AGBL1: variants seen among roughly 807,000 people sequenced by gnomAD.
AGBL1 encodes AGBL carboxypeptidase 1.
In AGBL1, 130 loss-of-function variants were observed where a neutral mutation model predicts 118.9. The observed-to-expected ratio is 1.09, with a 90% CI of 0.95 to 1.26. The LOEUF (loss-of-function observed/expected upper bound fraction) is 1.26. AGBL1 is among the 50% of genes most tolerant of loss of function. The pLI is 0.00. For missense variants in AGBL1, 1,584 were observed against 1,298.1 expected, an observed-to-expected ratio of 1.22 and a Z score of -3.38; for synonymous variants, 555 against 478.9, an observed-to-expected ratio of 1.16 and a Z score of -2.08.
chr15:86,618,905 G>T (rs549217142), intron 21 of AGBL1, among the ~76,000 whole-genome samples: 7 of 152,184 alleles, frequency 4.6e-5, no homozygotes, highest in African/African-American at 1.4e-4. Context: ...TGGGATACAG[G>T]TTCTGCTCCT....
intron 1 of AGBL1, among the ~76,000 whole-genome samples, chr15:86,101,489 A>G (rs908791803): frequency 1.3e-5 from 2 of 152,094 alleles, no homozygotes; most frequent in Middle Eastern, 3.4e-3. Flanking sequence ...AACTATTATT[A>G]TATTAGAATC....
At position 86,450,284 on chromosome 15, in the gene AGBL1, C is replaced by A. The variant is rs368563325; in HGVS notation, c.2555+52738C>A. On this transcript the variant is annotated intron_variant, in intron 18 of 22. Transcript: ENST00000614907. ...CTCCCAGGAGAGGTTTATGTTTTTA[C>A]TCCACATTTTTTCCTTGTCAAATCC... Among the ~76,000 whole-genome samples, 70 of 152,320 alleles carry A rather than the reference C, an allele frequency of 4.6e-4. 2 individuals are homozygous for A. The highest frequency in any genetic ancestry group is 1.4e-3 in the African/African-American group (60 of 41,568).
Position 86,079,877 on chromosome 15 carries a change from C to G in AGBL1, c.-96C>G. ...GCAGCTGAGGCCTCCGGGCAGTCGTCTCCTGCGAGGCGGGCAGCGAGGTCA... is the reference window on the plus strand; with the variant it reads ...GCAGCTGAGGCCTCCGGGCAGTCGTGTCCTGCGAGGCGGGCAGCGAGGTCA... On this transcript the variant is annotated 5_prime_UTR_variant, in exon 1 of 23. Transcript: ENST00000614907. 8.5e-6 allele frequency: 8 copies of G among 938,848 alleles called. No individual in the cohort carries two copies. The South Asian group carries it at 3.2e-4, about 37-fold the overall frequency. 58.2% of individuals were successfully genotyped at this position (938,848 alleles called of 1,614,324 possible). A position where few individuals can be genotyped will look rare whatever the true frequency, so the allele number is the denominator to read the frequency against.
intron 22 of AGBL1, among the ~76,000 whole-genome samples, chr15:86,716,176 C>G (rs1395634848): frequency 1.3e-5 from 2 of 152,126 alleles, no homozygotes; most frequent in Non-Finnish European, 2.9e-5. Context: ...CTCCTCCATT[C>G]CTGGAATCTC....
intron 19 of AGBL1, among the ~76,000 whole-genome samples, chr15:86,544,965 C>T (rs2083559612): frequency 6.6e-6 from 1 of 152,162 alleles, no homozygotes; most frequent in Admixed American, 6.5e-5. Context: ...CATCACTGCC[C>T]TTGTCATATG....
rs150363645 is a variant in AGBL1, at chr15:86,779,055, A to C, written c.3158+104619A>C. On this transcript the variant is annotated intron_variant, in intron 22 of 22. Transcript: ENST00000614907. ...TGACTTCCCGCAACAGCTAAACTTG[A>C]AAGAGAATATTATGCACATCCCAGA... Among the ~76,000 whole-genome samples, 33 of 152,300 alleles carry C rather than the reference A, an allele frequency of 2.2e-4. No individual in the cohort carries two copies. The East Asian group carries it at 5.2e-3, about 24-fold the overall frequency.
At chr15:86,953,929 A>G (rs1489193632) in intron 23 of AGBL1, among the ~76,000 whole-genome samples, 2 of 152,084 alleles carry the variant, frequency 1.3e-5, no homozygotes, top group African/African-American at 2.4e-5. Context: ...TTCTTGCTGG[A>G]TCACTCTGGC....
intron 22 of AGBL1, among the ~76,000 whole-genome samples, chr15:86,708,103 C>G (rs1022128554): frequency 2.0e-5 from 3 of 152,114 alleles, no homozygotes; most frequent in East Asian, 3.9e-4. Flanking sequence ...TTCAGTGACA[C>G]AGGCATTAAC....
intron 21 of AGBL1, among the ~76,000 whole-genome samples, chr15:86,627,369 C>T (rs1305749781): frequency 6.6e-6 from 1 of 151,988 alleles, no homozygotes; most frequent in South Asian, 2.1e-4. Flanking sequence ...AGATGGGATG[C>T]CAGAGGAGAG....
At chr15:86,158,890 C>A in intron 4 of AGBL1, 43 bp from the exon 5 acceptor site, 1 of 1,562,058 alleles carries the variant, frequency 6.4e-7, no homozygotes, top group South Asian at 1.1e-5. Context: ...AGCCTTAACT[C>A]ATCCACTTGT....
intron 17 of AGBL1, among the ~76,000 whole-genome samples, chr15:86,384,453 T>A (rs2081156008): frequency 6.6e-6 from 1 of 152,194 alleles, no homozygotes; most frequent in Admixed American, 6.5e-5. Context: ...TTCTCCCAAG[T>A]GACTGCCGTT....
intron 22 of AGBL1, among the ~76,000 whole-genome samples, chr15:86,832,036 A>T (rs1033642640): frequency 6.6e-6 from 1 of 152,172 alleles, no homozygotes; most frequent in Non-Finnish European, 1.5e-5. Flanking sequence ...TGGGGCTTGC[A>T]CCCTCTGAAG....
In AGBL1 at chr15:86,912,117, A is replaced by C. The variant is rs1036721901; in HGVS notation, c.*4823A>C. On this transcript the variant is annotated 3_prime_UTR_variant, in exon 23 of 23. Coordinates refer to ENST00000614907, the MANE Select transcript of AGBL1 (RefSeq NM_001386094.1). ...TTAAATCCCTCCGTTTTCCATCTCA[A>C]AGAAGAGTTTGTGTTATAGACAGGG... 1.3e-5 allele frequency: 2 copies of C among 152,136 alleles called. No homozygotes were observed. The highest frequency in any genetic ancestry group is 4.8e-5 in the African/African-American group (2 of 41,408). 9.4% of individuals were successfully genotyped at this position (152,136 alleles called of 1,614,324 possible). A position where few individuals can be genotyped will look rare whatever the true frequency, so the allele number is the denominator to read the frequency against.
At chr15:86,818,212 G>A (rs1178399088) in intron 22 of AGBL1, among the ~76,000 whole-genome samples, 1 of 152,126 alleles carries the variant, frequency 6.6e-6, no homozygotes, top group Non-Finnish European at 1.5e-5. Flanking sequence ...ACACATTTCT[G>A]TTGTTTTAAG....
chr15:86,789,739 T>G (rs1360024856), intron 22 of AGBL1, among the ~76,000 whole-genome samples: 1 of 152,130 alleles, frequency 6.6e-6, no homozygotes, highest in Non-Finnish European at 1.5e-5. Context: ...CCCCTATGTT[T>G]TTGAAAGAGT....
At chr15:86,220,428 G>C (rs1011278295) in intron 5 of AGBL1, among the ~76,000 whole-genome samples, 2 of 152,100 alleles carry the variant, frequency 1.3e-5, no homozygotes, top group African/African-American at 2.4e-5. Context: ...GCATTTATAG[G>C]TGCTCCCTAA....
chr15:86,689,071 G>A (rs1596371876), intron 22 of AGBL1, among the ~76,000 whole-genome samples: 2 of 152,028 alleles, frequency 1.3e-5, no homozygotes, highest in African/African-American at 4.8e-5. Context: ...ATGGTCAGTG[G>A]ATCAAAGAAA....
intron 18 of AGBL1, among the ~76,000 whole-genome samples, chr15:86,490,153 G>A (rs773781921): frequency 5.3e-5 from 8 of 151,952 alleles, no homozygotes; most frequent in Non-Finnish European, 7.4e-5. Flanking sequence ...TCCTTATCTC[G>A]TACTTTCTGT....
intron 22 of AGBL1, among the ~76,000 whole-genome samples, chr15:86,861,249 G>T (rs1339506160): frequency 6.6e-6 from 1 of 152,106 alleles, no homozygotes. Flanking sequence ...TACTGTCTGG[G>T]TGCTGTGGGG....
Sources: allele counts gnomAD v4.1 joint callset (sites outside exome capture counted in the v4.1 genomes callset), GRCh38; gene constraint gnomAD v4.1.1; transcripts MANE v1.5; gene names NCBI Gene and HGNC (gene_info 2026-07-23, HGNC 2026-07-21).